BEST3: variants seen among roughly 807,000 people sequenced by gnomAD.
The protein encoded by BEST3 is bestrophin-3.
BEST3 carries 50 observed loss-of-function variants against 47.1 expected under a neutral mutation model. The observed-to-expected ratio is 1.06, with a 90% CI of 0.85 to 1.34. The LOEUF (loss-of-function observed/expected upper bound fraction) is 1.34. Ranked by LOEUF, BEST3 falls within the 40% of genes most tolerant of loss-of-function variation. The pLI is 0.00. For synonymous variants in BEST3, 282 were observed against 298.8 expected, an observed-to-expected ratio of 0.94 and a Z score of 0.58; for missense variants, 765 against 817.0, an observed-to-expected ratio of 0.94 and a Z score of 0.78.
At position 69,694,279 on chromosome 12, in the gene BEST3, C is replaced by T. The variant is rs528127817; in HGVS notation, c.247+91G>A. ...AAGCGGTGGCTTTTCAGGCATGCCT[C>T]TCAGCTTGGAAACACTCCCATGCAG... On this transcript the variant is annotated intron_variant, in intron 3 of 9. Transcript: ENST00000330891. The T allele has an allele frequency of 1.4e-5, 11 of 794,146 alleles. No individual in the cohort carries two copies. In the South Asian group the frequency reaches 2.3e-4, roughly 17 times the overall value. 49.2% of individuals were successfully genotyped at this position (794,146 alleles called of 1,614,324 possible).
At position 69,654,149 on chromosome 12, in the gene BEST3, T is replaced by C; in HGVS notation, c.*758A>G. ...TCTGTAGGAGGCTTTGCCAATGTCT[T>C]ATATTTTGAAATTCATGGCAAGACA... On this transcript the variant is annotated 3_prime_UTR_variant, in exon 10 of 10. Coordinates refer to ENST00000330891, the MANE Select transcript of BEST3 (RefSeq NM_032735.3). 3.0e-6 allele frequency: 3 copies of C among 985,342 alleles called. No homozygotes were observed. Among genetic ancestry groups the C allele is most frequent in the Non-Finnish European group, 3.6e-6 (3 of 829,912 alleles). 61.0% of individuals were successfully genotyped at this position (985,342 alleles called of 1,614,324 possible).
chr12:69,674,730 T>A (rs1017495606), intron 7 of BEST3, among the ~76,000 whole-genome samples: 2 of 152,194 alleles, frequency 1.3e-5, no homozygotes, highest in Non-Finnish European at 2.9e-5. Context: ...AAATATATCT[T>A]TTATTCCACT....
At position 69,655,527 on chromosome 12, in the gene BEST3, G is replaced by A. The variant is rs1228357696; in HGVS notation, c.1387C>T (p.His463Tyr). The change falls in exon 10 of 10, where the codon CAC (histidine) becomes TAC (tyrosine). Residue 463 changes from histidine to tyrosine, a missense_variant. Physicochemically the swap from His to Tyr is moderately conservative, Grantham distance 83. Coordinates refer to ENST00000330891, the MANE Select transcript of BEST3 (RefSeq NM_032735.3). ...GTGGACAGCTCTCCCATGCTGAAGT[G>A]CAGCGTGGGGCTTCCTTCTGGGAAG... Reference protein sequence around the residue: ...SCFPEGSPTLHFSMGELSTIR... With the variant: ...SCFPEGSPTLYFSMGELSTIR... 6.2e-7 allele frequency: 1 copy of A among 1,614,148 alleles called. No individual in the cohort carries two copies. The highest frequency in any genetic ancestry group is 1.1e-5 in the South Asian group (1 of 91,086).
chr12:69,688,697 C>T (rs1459400207), intron 4 of BEST3, among the ~76,000 whole-genome samples: 1 of 152,120 alleles, frequency 6.6e-6, no homozygotes, highest in African/African-American at 2.4e-5. Flanking sequence ...TTCCTTCTGG[C>T]CAGCACTGAA....
intron 4 of BEST3, among the ~76,000 whole-genome samples, chr12:69,686,112 G>C (rs1465841883): frequency 6.6e-6 from 1 of 150,964 alleles, no homozygotes; most frequent in African/African-American, 2.4e-5. Context: ...CTATCCCCTT[G>C]GCTCTCACTC....
At chr12:69,656,495 G>T (rs80273866) in intron 9 of BEST3, among the ~76,000 whole-genome samples, 1 of 151,832 alleles carries the variant, frequency 6.6e-6, no homozygotes, top group East Asian at 1.9e-4. Context: ...TGGATCATAG[G>T]TAAATTCACG....
At chr12:69,696,684 C>A (rs1283934887) in intron 2 of BEST3, among the ~76,000 whole-genome samples, 1 of 152,166 alleles carries the variant, frequency 6.6e-6, no homozygotes, top group Non-Finnish European at 1.5e-5. Context: ...TATCAGTCAA[C>A]TACATTAATA....
chr12:69,666,082 T>G (rs1884197429), intron 9 of BEST3, among the ~76,000 whole-genome samples: 1 of 152,144 alleles, frequency 6.6e-6, no homozygotes. Context: ...TGCAGTGGCA[T>G]GAGCTTGGCT....
chr12:69,685,440 C>A (rs1222025372), intron 4 of BEST3, among the ~76,000 whole-genome samples: 1 of 152,218 alleles, frequency 6.6e-6, no homozygotes, highest in Non-Finnish European at 1.5e-5. Context: ...TCTAGTGCAG[C>A]TGTTCCTAAA....
At chr12:69,643,709 C>T in exon 10 of BEST3, 1 of 715,590 alleles carries the variant, frequency 1.4e-6, no homozygotes, top group Non-Finnish European at 2.6e-6. Flanking sequence ...CAGGATCACT[C>T]TTAGCACACT....
chr12:69,694,605 C>T, intron 2 of BEST3, 141 bp from the exon 3 acceptor site: 1 of 423,546 alleles, frequency 2.4e-6, no homozygotes, highest in South Asian at 5.2e-5. Flanking sequence ...TTTTCTTAAA[C>T]TGATGTGTCT....
At chr12:69,680,610 C>A (rs1175880186) in intron 4 of BEST3, among the ~76,000 whole-genome samples, 2 of 152,052 alleles carry the variant, frequency 1.3e-5, no homozygotes, top group East Asian at 3.9e-4. Context: ...CCTAGCCGAT[C>A]TTTTCTTTTT....
chr12:69,675,695 G>A (rs1884872407), intron 7 of BEST3, among the ~76,000 whole-genome samples: 1 of 152,202 alleles, frequency 6.6e-6, no homozygotes, highest in Non-Finnish European at 1.5e-5. Context: ...CTCTTACGCA[G>A]GTAGAAATAA....
At position 69,654,021 on chromosome 12, in the gene BEST3, C is replaced by A. The variant is rs1883306565; in HGVS notation, c.*886G>T. On this transcript the variant is annotated 3_prime_UTR_variant, in exon 10 of 10. Transcript: ENST00000330891. ...AAATAGTGGAAGCAGAAAGAAATGT[C>A]AATGGCTGCAAGGGCACGGGGGGAA... 1.2e-5 allele frequency: 12 copies of A among 985,424 alleles called. No individual in the cohort carries two copies. The highest frequency in any genetic ancestry group is 5.2e-4 in the Middle Eastern group (1 of 1,914). The allele number at this position is 985,424 out of a possible 1,614,324, so 61.0% of individuals were successfully genotyped here.
intron 7 of BEST3, 100 bp from the exon 8 acceptor site, chr12:69,673,065 A>G (rs181781396): frequency 2.1e-5 from 18 of 853,896 alleles, no homozygotes; most frequent in Non-Finnish European, 3.1e-5. Context: ...TCCTTGTGTG[A>G]CTTTCTAATA....
At chr12:69,646,256 C>T (rs548648992) in intron 9 of BEST3, among the ~76,000 whole-genome samples, 12 of 152,256 alleles carry the variant, frequency 7.9e-5, no homozygotes, top group African/African-American at 2.9e-4. Context: ...GATTTTAAAT[C>T]ACTTAGTCTA....
At chr12:69,690,921 A>G (rs1885899008) in intron 4 of BEST3, among the ~76,000 whole-genome samples, 2 of 152,070 alleles carry the variant, frequency 1.3e-5, no homozygotes, top group South Asian at 4.1e-4. Context: ...TTACATTATC[A>G]TATACCTGTA....
intron 4 of BEST3, among the ~76,000 whole-genome samples, chr12:69,688,675 C>T (rs1428681640): frequency 3.3e-5 from 5 of 152,116 alleles, no homozygotes; most frequent in East Asian, 1.9e-4. Flanking sequence ...CACTCTTGGC[C>T]CTCTCGCTTA....
chr12:69,655,863 C>A, intron 9 of BEST3, 50 bp from the exon 10 acceptor site: 1 of 1,530,554 alleles, frequency 6.5e-7, no homozygotes, highest in Non-Finnish European at 8.8e-7. Context: ...GGGGGCCTAG[C>A]TTTGGGGGCA....
Sources: gnomAD v4.1 joint callset for allele counts (sites outside exome capture counted in the v4.1 genomes callset) on GRCh38, gnomAD v4.1.1 for gene constraint, MANE v1.5 for transcripts, NCBI Gene and HGNC (gene_info 2026-07-23, HGNC 2026-07-21) for gene names.